CLASP2: variants seen among roughly 807,000 people sequenced by gnomAD.
CLASP2 encodes the protein cytoplasmic linker associated protein 2, also known as CLIP-associating protein 2.
CLASP2 carries 47 observed loss-of-function variants against 194.4 expected under a neutral mutation model. The ratio of observed to expected loss-of-function variants is 0.24; its 90% CI spans 0.19 to 0.31. The LOEUF is 0.31. CLASP2 is among the 10% of genes least tolerant of loss of function. CLASP2 has a pLI of 1.00. For missense variants in CLASP2, 1,445 were observed against 1,823.6 expected, an observed-to-expected ratio of 0.79 and a Z score of 3.78; for synonymous variants, 619 against 633.5, an observed-to-expected ratio of 0.98 and a Z score of 0.34.
chr3:33,643,136 G>T (rs1279129078), intron 8 of CLASP2, among the ~76,000 whole-genome samples: 1 of 151,724 alleles, frequency 6.6e-6, no homozygotes, highest in Non-Finnish European at 1.5e-5. Flanking sequence ...ATATCAATAT[G>T]ATTAATATCA....
At position 33,660,486 on chromosome 3, in the gene CLASP2, T is replaced by A. The variant is rs977450594; in HGVS notation, c.715+2959A>T. Among the ~76,000 whole-genome samples the A allele has an allele frequency of 5.9e-5, 9 of 152,212 alleles. No individual in the cohort carries two copies. In the East Asian group the frequency reaches 7.7e-4, roughly 13 times the overall value. On this transcript the variant is annotated intron_variant, in intron 7 of 38. Coordinates refer to ENST00000682230, the MANE Select transcript of CLASP2 (RefSeq NM_001365631.1). ...TTAGCTATAAAAAAGTTATATCACC[T>A]TTACAACAAATCCTTTGGTTTCTTG...
chr3:33,584,703 A>G (rs758472518), intron 22 of CLASP2, 47 bp downstream of exon 22: 4 of 1,470,076 alleles, frequency 2.7e-6, no homozygotes, highest in Non-Finnish European at 3.6e-6. Flanking sequence ...TGAAAAAAAA[A>G]AAAAAAGGGT....
intron 21 of CLASP2, among the ~76,000 whole-genome samples, chr3:33,588,237 G>GA (rs2067864458): frequency 6.6e-6 from 1 of 151,800 alleles, no homozygotes. Context: ...TTCATACTTG[G>GA]AAAAAAATAC....
In CLASP2 at chr3:33,672,557, C is replaced by T. The variant is rs923360869; in HGVS notation, c.645-9042G>A. 5.3e-5 allele frequency among the ~76,000 whole-genome samples: 8 copies of T among 152,326 alleles called. No homozygotes were observed. In the East Asian group the frequency reaches 9.6e-4, roughly 18 times the overall value. ...GAGCACCTCTCCTCCTCCAAAGGAA[C>T]GCAGTTCCTCACCAGCAACGGAACA... On this transcript the variant is annotated intron_variant, in intron 6 of 38. Transcript: ENST00000682230.
At chr3:33,520,820 T>C (rs1364600290) in intron 34 of CLASP2, among the ~76,000 whole-genome samples, 3 of 142,438 alleles carry the variant, frequency 2.1e-5, no homozygotes, top group Non-Finnish European at 4.6e-5. Context: ...TGTAAATCTC[T>C]ACACACACAC....
At chr3:33,608,722 C>T (rs1451566688) in intron 13 of CLASP2, 96 bp from the exon 14 acceptor site, 3 of 545,508 alleles carry the variant, frequency 5.5e-6, no homozygotes, top group East Asian at 7.9e-5. Flanking sequence ...TAAATTAAAG[C>T]ATAAGACATG....
chr3:33,695,852 C>CTA (rs1341728954), intron 2 of CLASP2, among the ~76,000 whole-genome samples: 1 of 152,104 alleles, frequency 6.6e-6, no homozygotes, highest in Non-Finnish European at 1.5e-5. Flanking sequence ...TATAATGCTG[C>CTA]TATATAATAG....
chr3:33,631,140 G>A (rs1369602807), intron 9 of CLASP2, among the ~76,000 whole-genome samples: 2 of 152,102 alleles, frequency 1.3e-5, no homozygotes, highest in Admixed American at 6.6e-5. Context: ...AAAGCAATGT[G>A]AGAATATTTT....
chr3:33,571,488 C>T (rs113073280), intron 25 of CLASP2, among the ~76,000 whole-genome samples: 2,719 of 151,312 alleles, frequency 0.018, 77 homozygotes, highest in African/African-American at 0.062. Context: ...AAAGTAGCTG[C>T]GCTGGTCATG....
At chr3:33,627,725 T>C (rs2078302089) in intron 9 of CLASP2, among the ~76,000 whole-genome samples, 1 of 152,098 alleles carries the variant, frequency 6.6e-6, no homozygotes, top group African/African-American at 2.4e-5. Context: ...TGACATCAAA[T>C]ATGAAACTAC....
chr3:33,602,524 G>A (rs1346082848), intron 18 of CLASP2: 8 of 761,016 alleles, frequency 1.1e-5, no homozygotes, highest in African/African-American at 3.4e-5. Context: ...TGGAATATAT[G>A]TTTAGGGTTT....
chr3:33,696,819 C>A, intron 2 of CLASP2, 36 bp downstream of exon 2: 1 of 1,304,750 alleles, frequency 7.7e-7, no homozygotes, highest in Non-Finnish European at 1.1e-6. Flanking sequence ...CATGTCAAAT[C>A]TTATTTAGAA....
chr3:33,529,942 C>T (rs1420551817), intron 34 of CLASP2, among the ~76,000 whole-genome samples: 1 of 124,608 alleles, frequency 8.0e-6, no homozygotes, highest in African/African-American at 3.0e-5. Flanking sequence ...TGCGCCACTG[C>T]GGTCCGCAGT....
At chr3:33,627,219 A>G (rs1448576962) in intron 9 of CLASP2, 139 bp from the exon 10 acceptor site, 1 of 669,512 alleles carries the variant, frequency 1.5e-6, no homozygotes, top group East Asian at 2.8e-5. Context: ...GAATAGAAAT[A>G]CATTATAGAC....
Position 33,692,310 on chromosome 3 carries a change from G to A in CLASP2, c.275-2378C>T, listed in dbSNP as rs1363262593. On this transcript the variant is annotated intron_variant, in intron 2 of 38. Transcript: ENST00000682230. ...CAACCATATAACAATAATGGAAAAAGAAAAGACACTTCATTCCTGAGAGGT... is the reference window on the plus strand; with the variant it reads ...CAACCATATAACAATAATGGAAAAAAAAAAGACACTTCATTCCTGAGAGGT... Among the ~76,000 whole-genome samples the A allele has an allele frequency of 5.3e-5, 8 of 152,250 alleles. No homozygotes were observed. The East Asian group carries it at 1.5e-3, about 29-fold the overall frequency.
Position 33,535,222 on chromosome 3 carries a change from C to A in CLASP2, c.3787+11G>T. On this transcript the variant is annotated intron_variant, in intron 34 of 38. Transcript: ENST00000682230. Reference sequence around the variant, plus strand: ...CCAAAACAGACAGTAGCAGTGTGACCCAGAACATACCGTCAGGAAACTGGT... The same window carrying A: ...CCAAAACAGACAGTAGCAGTGTGACACAGAACATACCGTCAGGAAACTGGT... 6.3e-7 allele frequency: 1 copy of A among 1,598,550 alleles called. No individual in the cohort carries two copies. The highest frequency in any genetic ancestry group is 8.6e-7 in the Non-Finnish European group (1 of 1,166,268).
At chr3:33,520,500 T>C (rs1468005661) in intron 34 of CLASP2, among the ~76,000 whole-genome samples, 1 of 151,558 alleles carries the variant, frequency 6.6e-6, no homozygotes, top group Non-Finnish European at 1.5e-5. Context: ...CCACATAGAG[T>C]GGTAATCAGG....
chr3:33,717,306 C>T (rs1575837021), intron 1 of CLASP2, among the ~76,000 whole-genome samples: 1 of 152,256 alleles, frequency 6.6e-6, no homozygotes, highest in Admixed American at 6.5e-5. Flanking sequence ...CACGGAATCG[C>T]TGAATTTGTC....
intron 1 of CLASP2, among the ~76,000 whole-genome samples, chr3:33,714,268 T>C (rs1169854803): frequency 6.6e-6 from 1 of 152,244 alleles, no homozygotes; most frequent in Non-Finnish European, 1.5e-5. Flanking sequence ...ATTGCAGGAC[T>C]GTTCTTAGTA....
Sources: allele counts gnomAD v4.1 joint callset (sites outside exome capture counted in the v4.1 genomes callset), GRCh38; gene constraint gnomAD v4.1.1; transcripts MANE v1.5; gene names NCBI Gene and HGNC (gene_info 2026-07-23, HGNC 2026-07-21).